The following PEX26 variants were observed in gnomAD, a reference collection of about 807,000 sequenced individuals.
The protein encoded by PEX26 is peroxisomal biogenesis factor 26, also known as peroxisome assembly protein 26.
A neutral mutation model predicts 31.4 loss-of-function variants in PEX26; 18 were observed. That is an observed-to-expected ratio of 0.57 (90% CI 0.40 to 0.85). The LOEUF (loss-of-function observed/expected upper bound fraction) is 0.85. Ranked by LOEUF, PEX26 falls within the 40% of genes least tolerant of loss-of-function variation. The pLI is 0.00. For synonymous variants in PEX26, 176 were observed against 166.9 expected (o/e 1.05, Z -0.42); for missense variants, 377 against 383.9 (o/e 0.98, Z 0.15).
chr22:18,097,638 C>T lies in PEX26; in HGVS notation c.*9563C>T, dbSNP rs552373395. ...ATACAAAACCAGTATGGATATAGAT[C>T]CTAGTTTCTTCTCCTTTTTATAAAA... On this transcript the variant is annotated 3_prime_UTR_variant, in exon 5 of 5. Coordinates refer to ENST00000399744, the MANE Select transcript of PEX26 (RefSeq NM_001127649.3). 1 of 151,964 alleles carries T rather than the reference C, an allele frequency of 6.6e-6. No individual in the cohort carries two copies. Among genetic ancestry groups the T allele is most frequent in the South Asian group, 2.1e-4 (1 of 4,814 alleles). The allele number at this position is 151,964 out of a possible 1,614,324, so 9.4% of individuals were successfully genotyped here. A position where few individuals can be genotyped will look rare whatever the true frequency, so the allele number is the denominator to read the frequency against.
rs2092343505 is a variant in PEX26, at chr22:18,090,987, A to G, written c.*2912A>G. 1 of 152,232 alleles carries G rather than the reference A, an allele frequency of 6.6e-6. No homozygotes were observed. Among genetic ancestry groups the G allele is most frequent in the Admixed American group, 6.5e-5 (1 of 15,288 alleles). 9.4% of individuals were successfully genotyped at this position (152,232 alleles called of 1,614,324 possible). On this transcript the variant is annotated 3_prime_UTR_variant, in exon 5 of 5. Coordinates refer to ENST00000399744, the MANE Select transcript of PEX26 (RefSeq NM_001127649.3). Reference sequence around the variant, plus strand: ...GTTTGCACATGAGTGTTTGTAGACCATAGACCATTAAAAAATACGGAATTC... The same window carrying G: ...GTTTGCACATGAGTGTTTGTAGACCGTAGACCATTAAAAAATACGGAATTC...
chr22:18,083,335 G>A (rs1229719305), intron 2 of PEX26, 102 bp from the exon 3 acceptor site: 1 of 1,201,460 alleles, frequency 8.3e-7, no homozygotes, highest in Non-Finnish European at 1.2e-6. Context: ...AGGACACAGT[G>A]AGGAGGGGCT....
chr22:18,084,978 C>T, intron 3 of PEX26, 134 bp from the exon 4 acceptor site: 2 of 859,892 alleles, frequency 2.3e-6, no homozygotes, highest in South Asian at 2.8e-5. Flanking sequence ...GCCTCAGCCT[C>T]CCAAAGTGCT....
Position 18,089,885 on chromosome 22 carries a change from G to A in PEX26, c.*1810G>A, listed in dbSNP as rs1198972047. 1 of 152,104 alleles carries A rather than the reference G, an allele frequency of 6.6e-6. No individual in the cohort carries two copies. The highest frequency in any genetic ancestry group is 2.4e-5 in the African/African-American group (1 of 41,408). 9.4% of individuals were successfully genotyped at this position (152,104 alleles called of 1,614,324 possible). ...CCTGGCTAATATTTTTGTATTTTTA[G>A]TAGAGTCTGGGTTTCACTGTGTTAG... On this transcript the variant is annotated 3_prime_UTR_variant, in exon 5 of 5. Coordinates refer to ENST00000399744, the MANE Select transcript of PEX26 (RefSeq NM_001127649.3).
intron 1 of PEX26, 49 bp downstream of exon 1, chr22:18,078,655 G>A: frequency 6.7e-7 from 1 of 1,498,402 alleles, no homozygotes; most frequent in Non-Finnish European, 9.1e-7. Context: ...CTCTTGTGGT[G>A]GGGCTCAAGG....
chr22:18,098,778 A>ATAAT lies in PEX26; in HGVS notation c.*10703_*10704insTAAT, dbSNP rs397764650. ...TGTGCGTGTGTAGACATATATATAT[A>ATAAT]ATATATATACACATATGCAATGGAG... On this transcript the variant is annotated 3_prime_UTR_variant, in exon 5 of 5. Transcript: ENST00000399744. 138 of 151,218 alleles carry ATAAT rather than the reference A, an allele frequency of 9.1e-4. No individual in the cohort carries two copies. The highest frequency in any genetic ancestry group is 3.2e-3 in the African/African-American group (131 of 41,300). The allele number at this position is 151,218 out of a possible 1,614,324, so 9.4% of individuals were successfully genotyped here.
chr22:18,085,052 G>C, intron 3 of PEX26, 60 bp from the exon 4 acceptor site: 1 of 1,591,934 alleles, frequency 6.3e-7, no homozygotes, highest in Non-Finnish European at 8.6e-7. Context: ...CACAGAGGTC[G>C]GGGTCAGGGA....
At chr22:18,080,619 C>T (rs541487434) in intron 2 of PEX26, among the ~76,000 whole-genome samples, 4 of 152,264 alleles carry the variant, frequency 2.6e-5, no homozygotes, top group African/African-American at 4.8e-5. Context: ...TGTGAGCCAT[C>T]GCCCCTGGCC....
intron 2 of PEX26, among the ~76,000 whole-genome samples, chr22:18,081,102 G>A (rs1926563730): frequency 6.9e-6 from 1 of 144,294 alleles, no homozygotes; most frequent in Non-Finnish European, 1.6e-5. Flanking sequence ...CACCTGTGTT[G>A]TCATGAATGA....
rs1602480119 is a variant in PEX26, at chr22:18,102,966, T to C, written c.*14891T>C. 1 of 151,682 alleles carries C rather than the reference T, an allele frequency of 6.6e-6. No homozygotes were observed. Among genetic ancestry groups the C allele is most frequent in the African/African-American group, 2.4e-5 (1 of 41,238 alleles). The allele number at this position is 151,682 out of a possible 1,614,324, so 9.4% of individuals were successfully genotyped here. ...TGGGCATGGTGGCGTGTGCCTGTAA[T>C]CCCAGATACTCAGGAGGCTGAGGCA... On this transcript the variant is annotated 3_prime_UTR_variant, in exon 5 of 5. Transcript: ENST00000399744.
chr22:18,084,982 A>G (rs1290763475), intron 3 of PEX26, 130 bp from the exon 4 acceptor site: 7 of 893,002 alleles, frequency 7.8e-6, no homozygotes, highest in East Asian at 2.7e-5. Flanking sequence ...CAGCCTCCCA[A>G]AGTGCTGGGA....
In PEX26 at chr22:18,090,279, CT is replaced by C. The variant is rs1927036094; in HGVS notation, c.*2206del. Reference sequence around the variant, plus strand: ...TGGCTCACTGGATAACATCTAAATTCTTCATGGAATTGAAGGCCCCTATGTG... The same window carrying C: ...TGGCTCACTGGATAACATCTAAATTCTCATGGAATTGAAGGCCCCTATGTG... On this transcript the variant is annotated 3_prime_UTR_variant, in exon 5 of 5. Coordinates refer to ENST00000399744, the MANE Select transcript of PEX26 (RefSeq NM_001127649.3). 6.6e-6 allele frequency: 1 copy of C among 152,310 alleles called. No homozygotes were observed. The highest frequency in any genetic ancestry group is 2.4e-5 in the African/African-American group (1 of 41,578). 9.4% of individuals were successfully genotyped at this position (152,310 alleles called of 1,614,324 possible).
At chr22:18,080,917 C>T (rs2123649577) in intron 2 of PEX26, among the ~76,000 whole-genome samples, 1 of 152,134 alleles carries the variant, frequency 6.6e-6, no homozygotes, top group African/African-American at 2.4e-5. Context: ...ATTGACGAAC[C>T]TCTTCCCGTC....
chr22:18,081,621 CAG>C (rs1342271598), intron 2 of PEX26: 15 of 166,682 alleles, frequency 9.0e-5, no homozygotes, highest in African/African-American at 3.6e-4. Context: ...TGCTTAGGTG[CAG>C]AGATTTGCTG....
At position 18,091,356 on chromosome 22, in the gene PEX26, GGC is replaced by G. The variant is rs1336265667; in HGVS notation, c.*3285_*3286del. The G allele has an allele frequency of 6.6e-6, 1 of 152,240 alleles. No individual in the cohort carries two copies. Among genetic ancestry groups the G allele is most frequent in the Non-Finnish European group, 1.5e-5 (1 of 68,082 alleles). 9.4% of individuals were successfully genotyped at this position (152,240 alleles called of 1,614,324 possible). The stretch of plus-strand genomic sequence containing the variant: ...AAAGAAAAAAAACAATTCTCGGCTG[GGC>G]GCGGTGGCGCATGCCTGTAATCCCA... On this transcript the variant is annotated 3_prime_UTR_variant, in exon 5 of 5. Transcript: ENST00000399744.
Position 18,100,123 on chromosome 22 carries a change from T to C in PEX26, c.*12048T>C, listed in dbSNP as rs2123678383. On this transcript the variant is annotated 3_prime_UTR_variant, in exon 5 of 5. Coordinates refer to ENST00000399744, the MANE Select transcript of PEX26 (RefSeq NM_001127649.3). ...AGAGTTTCAATCTTGTTGCCCAGGC[T>C]GGAGTGCAATGGTGCAATCTTGGCT... is the stretch of plus-strand genomic sequence containing the variant. 6.6e-6 allele frequency: 1 copy of C among 152,320 alleles called. No homozygotes were observed. Among genetic ancestry groups the C allele is most frequent in the East Asian group, 1.9e-4 (1 of 5,180 alleles). The allele number at this position is 152,320 out of a possible 1,614,324, so 9.4% of individuals were successfully genotyped here.
At position 18,088,250 on chromosome 22, in the gene PEX26, G is replaced by A. The variant is rs894948159; in HGVS notation, c.*175G>A. On this transcript the variant is annotated 3_prime_UTR_variant, in exon 5 of 5. Transcript: ENST00000399744. The surrounding 1 kb of genome is among the most constrained non-coding windows in gnomAD (Gnocchi z 4.1). ...CCTTTGCACCCTACTTCGGCTGGTCGCGGTAGATGATGTGGAAACAAAGCA... is the reference window on the plus strand; with the variant it reads ...CCTTTGCACCCTACTTCGGCTGGTCACGGTAGATGATGTGGAAACAAAGCA... 7 of 700,686 alleles carry A rather than the reference G, an allele frequency of 1.0e-5. No individual in the cohort carries two copies. The highest frequency in any genetic ancestry group is 1.7e-5 in the African/African-American group (1 of 57,306). The allele number at this position is 700,686 out of a possible 1,614,324, so 43.4% of individuals were successfully genotyped here.
intron 2 of PEX26, among the ~76,000 whole-genome samples, chr22:18,082,388 A>G (rs1242982758): frequency 6.6e-6 from 1 of 152,092 alleles, no homozygotes; most frequent in African/African-American, 2.4e-5. Context: ...TAATTTTTGT[A>G]TGTGGGGAAA....
At position 18,078,404 on chromosome 22, in the gene PEX26, GC is replaced by G. The variant is rs61752129; in HGVS notation, c.34del (p.Leu12SerfsTer70). 3.1e-6 allele frequency: 5 copies of G among 1,596,350 alleles called. No homozygotes were observed. Among genetic ancestry groups the G allele is most frequent in the East Asian group, 4.5e-5 (2 of 44,366 alleles). On this transcript the variant is annotated frameshift_variant, in exon 1 of 5. Transcript: ENST00000399744. LOFTEE classifies it high-confidence loss of function. MKSDSSTSAAPLRGLGGPLR... is the reference protein window; with the variant it reads MKSDSSTSAXPLRGLGGPLR... ...GAAGAGCGATTCTTCGACCTCTGCA[GC>G]CCCCCTCAGGGGGCTCGGGGGACCC...
Sources: allele counts gnomAD v4.1 joint callset (sites outside exome capture counted in the v4.1 genomes callset), GRCh38; gene constraint gnomAD v4.1.1; non-coding constraint Gnocchi (gnomAD v3.1); transcripts MANE v1.5; gene names NCBI Gene and HGNC (gene_info 2026-07-23, HGNC 2026-07-21).